Variants in ZYG11B observed in about 807,000 individuals in gnomAD.
The protein encoded by ZYG11B is zyg-11 family member B, cell cycle regulator, also known as protein zyg-11 homolog B.
Under a neutral mutation model 82.4 loss-of-function variants are expected in ZYG11B, and 36 were observed. The ratio of observed to expected loss-of-function variants is 0.44; its 90% CI spans 0.33 to 0.58. ZYG11B has a LOEUF of 0.58. Ranked by LOEUF, ZYG11B falls within the 20% of genes least tolerant of loss-of-function variation. The probability of loss-of-function intolerance (pLI) is 0.02; values close to 1 mark genes in which losing one functional copy is unlikely to be tolerated. For synonymous variants in ZYG11B, 303 were observed against 312.8 expected (o/e 0.97, Z 0.33); for missense variants, 552 against 895.6 (o/e 0.62, Z 4.90).
chr1:52,783,971 T>TACACAC (rs201276854), intron 4 of ZYG11B, among the ~76,000 whole-genome samples: 1 of 54,564 alleles, frequency 1.8e-5, no homozygotes, highest in Non-Finnish European at 3.1e-5. Context: ...TACACACATA[T>TACACAC]ACACACACAC....
intron 2 of ZYG11B, among the ~76,000 whole-genome samples, chr1:52,763,453 C>A (rs1019431854): frequency 1.3e-5 from 2 of 151,892 alleles, no homozygotes; most frequent in African/African-American, 4.8e-5. Context: ...GCTTTGTTAC[C>A]CAGACTGGAG....
intron 13 of ZYG11B, among the ~76,000 whole-genome samples, chr1:52,817,811 ATATAT>A (rs1645246809): frequency 2.7e-5 from 1 of 36,974 alleles, no homozygotes; most frequent in African/African-American, 1.2e-4. Flanking sequence ...ATATATATAT[ATATAT>A]TTTTTTTTTT....
intron 2 of ZYG11B, among the ~76,000 whole-genome samples, chr1:52,768,368 C>G (rs990443200): frequency 6.6e-6 from 1 of 152,106 alleles, no homozygotes; most frequent in Non-Finnish European, 1.5e-5. Context: ...CATCTCTTCA[C>G]CTTTCAGAGT....
At chr1:52,774,622 T>C (rs1571768979) in intron 3 of ZYG11B, among the ~76,000 whole-genome samples, 2 of 77,444 alleles carry the variant, frequency 2.6e-5, no homozygotes, top group African/African-American at 6.0e-5. Context: ...TTTTTTTTTT[T>C]TTTTTTTTTT....
rs921402030 is a variant in ZYG11B, at chr1:52,825,032, T to G, written c.*3403T>G. ...GTCCACAAGCAACATTAAGGAAATCTAAAGGAAATGGAATTTGACTTTTTA... is the reference window on the plus strand; with the variant it reads ...GTCCACAAGCAACATTAAGGAAATCGAAAGGAAATGGAATTTGACTTTTTA... On this transcript the variant is annotated 3_prime_UTR_variant, in exon 14 of 14. Coordinates refer to ENST00000294353, the MANE Select transcript of ZYG11B (RefSeq NM_024646.3). 6.6e-6 allele frequency: 1 copy of G among 152,144 alleles called. No individual in the cohort carries two copies. The highest frequency in any genetic ancestry group is 2.4e-5 in the African/African-American group (1 of 41,432). 9.4% of individuals were successfully genotyped at this position (152,144 alleles called of 1,614,324 possible). A position where few individuals can be genotyped will look rare whatever the true frequency, so the allele number is the denominator to read the frequency against.
At chr1:52,773,607 A>ATATATATATATG (rs928937830) in intron 3 of ZYG11B, among the ~76,000 whole-genome samples, 1 of 13,156 alleles carries the variant, frequency 7.6e-5, no homozygotes, top group Non-Finnish European at 2.3e-4. Flanking sequence ...AACTATATAT[A>ATATATATATATG]TATATATATA....
At chr1:52,752,590 C>T (rs1028584897) in intron 1 of ZYG11B, among the ~76,000 whole-genome samples, 1 of 152,146 alleles carries the variant, frequency 6.6e-6, no homozygotes, top group Admixed American at 6.6e-5. Context: ...AACATGAGGC[C>T]CTCCTCAGGG....
intron 1 of ZYG11B, among the ~76,000 whole-genome samples, chr1:52,739,056 A>G (rs543865818): frequency 7.2e-6 from 1 of 138,072 alleles, no homozygotes; most frequent in African/African-American, 2.9e-5. Flanking sequence ...ATCTTGGCTC[A>G]CTGCCACCTC....
rs1368737002 is a variant in ZYG11B at position 52,817,765 on chromosome 1, GTATATATATGTGTATATATATATA to G, written c.2044+1146_2044+1169del. Among the ~76,000 whole-genome samples the G allele has an allele frequency of 2.7e-4, 16 of 60,048 alleles. 1 individual carries two copies. Among genetic ancestry groups the G allele is most frequent in the African/African-American group, 1.4e-3 (15 of 11,026 alleles). 39.4% of individuals were successfully genotyped at this position (60,048 alleles called of 152,430 possible). A position where few individuals can be genotyped will look rare whatever the true frequency, so the allele number is the denominator to read the frequency against. ...CAGAACCACTTTAATAGTAAAGTGT[GTATATATATGTGTATATATATATA>G]TATATATATATATATATATATATAT... On this transcript the variant is annotated intron_variant, in intron 13 of 13. Coordinates refer to ENST00000294353, the MANE Select transcript of ZYG11B (RefSeq NM_024646.3).
intron 3 of ZYG11B, among the ~76,000 whole-genome samples, chr1:52,776,268 C>T (rs1448655957): frequency 2.2e-5 from 2 of 89,194 alleles, no homozygotes; most frequent in Non-Finnish European, 5.4e-5. Flanking sequence ...GCTTAGAGCA[C>T]GCCTATAATC....
rs755877498 is a variant in ZYG11B at position 52,771,286 on chromosome 1, G to C, written c.463G>C (p.Glu155Gln). Residue 155 changes from glutamate to glutamine, a missense_variant, in exon 3 of 14, where the codon GAG becomes CAG. Around this residue, in one of 3 missense-constraint regions of ZYG11B, gnomAD observed 359 missense variants for 555.8 expected, o/e 0.65. Transcript: ENST00000294353. This position sits in a 1 kb window ranked among gnomAD's most constrained non-coding sequence, Gnocchi z 5.4. ...AACTCTCTCCCTCGAGGATCCTTAC[G>C]AGCGCTGCTTCAGCCGGCTTTCTGG... ...SLTLSLEDPYERCFSRLSGLR... is the reference protein window; with the variant it reads ...SLTLSLEDPYQRCFSRLSGLR... 1 of 1,614,160 alleles carries C rather than the reference G, an allele frequency of 6.2e-7. No individual in the cohort carries two copies. The highest frequency in any genetic ancestry group is 8.5e-7 in the Non-Finnish European group (1 of 1,180,032).
At chr1:52,764,700 T>C (rs1407615604) in intron 2 of ZYG11B, among the ~76,000 whole-genome samples, 1 of 152,152 alleles carries the variant, frequency 6.6e-6, no homozygotes, top group Non-Finnish European at 1.5e-5. Flanking sequence ...ACATATAGAA[T>C]TACAGCTTGT....
intron 3 of ZYG11B, among the ~76,000 whole-genome samples, chr1:52,777,744 A>G (rs1021644471): frequency 6.6e-6 from 1 of 151,988 alleles, no homozygotes; most frequent in African/African-American, 2.4e-5. Context: ...GCCTGGCTGA[A>G]TATTATATGT....
chr1:52,797,053 A>G (rs1468172154), intron 8 of ZYG11B, among the ~76,000 whole-genome samples: 1 of 87,582 alleles, frequency 1.1e-5, no homozygotes, highest in Non-Finnish European at 1.9e-5. Flanking sequence ...ATTTTTATAT[A>G]TTATATATAT....
At position 52,771,067 on chromosome 1, in the gene ZYG11B, C is replaced by T; in HGVS notation, c.244C>T (p.Arg82Cys). The T allele has an allele frequency of 4.3e-6, 7 of 1,614,084 alleles. No individual in the cohort carries two copies. Among genetic ancestry groups the T allele is most frequent in the Non-Finnish European group, 5.9e-6 (7 of 1,179,992 alleles). The stretch of plus-strand genomic sequence containing the variant: ...GGGTATTTTTAGGGGCAACCAGATG[C>T]GCTTAAAGCGAGCCTGCATTCGCAA... ...TVGIFRGNQM[R>C]LKRACIRKAK... The change falls in exon 3 of 14, where the codon CGC (arginine) becomes TGC (cysteine). Residue 82 changes from arginine (R) to cysteine (C), a missense_variant. Physicochemically the swap from Arg to Cys is radical, Grantham distance 180. Around this residue, in one of 3 missense-constraint regions of ZYG11B, gnomAD observed 359 missense variants for 555.8 expected, o/e 0.65. Transcript: ENST00000294353. This position sits in a 1 kb window ranked among gnomAD's most constrained non-coding sequence, Gnocchi z 5.4.
intron 1 of ZYG11B, among the ~76,000 whole-genome samples, chr1:52,730,326 G>GTATT (rs1438067068): frequency 1.3e-5 from 2 of 152,004 alleles, no homozygotes; most frequent in Admixed American, 6.6e-5. Context: ...ATTTTATTAT[G>GTATT]TATTTATTTA....
chr1:52,789,880 TTG>T, intron 5 of ZYG11B, 121 bp from the exon 6 acceptor site: 1 of 600,974 alleles, frequency 1.7e-6, no homozygotes, highest in Non-Finnish European at 2.7e-6. Flanking sequence ...CAGATAAAGA[TTG>T]TAAGAAATAA....
At chr1:52,730,767 C>G (rs1178717601) in intron 1 of ZYG11B, among the ~76,000 whole-genome samples, 1 of 151,552 alleles carries the variant, frequency 6.6e-6, no homozygotes, top group Non-Finnish European at 1.5e-5. Flanking sequence ...CTCACTTGAG[C>G]CCAGCAGTTC....
chr1:52,764,593 A>T (rs1391475979), intron 2 of ZYG11B, among the ~76,000 whole-genome samples: 2 of 152,190 alleles, frequency 1.3e-5, no homozygotes, highest in Non-Finnish European at 2.9e-5. Flanking sequence ...ACTCCCTCAC[A>T]GGGATTACTG....
Sources: allele counts gnomAD v4.1 joint callset (sites outside exome capture counted in the v4.1 genomes callset), GRCh38; gene constraint gnomAD v4.1.1; regional missense constraint gnomAD v4.1.1; non-coding constraint Gnocchi (gnomAD v3.1); transcripts MANE v1.5; gene names NCBI Gene and HGNC (gene_info 2026-07-23, HGNC 2026-07-21).